Variants in SLC13A1 observed in about 807,000 individuals in gnomAD.
SLC13A1 encodes Na(+)/sulfate cotransporter.
A neutral mutation model predicts 70.0 loss-of-function variants in SLC13A1; 65 were observed. The ratio of observed to expected loss-of-function variants is 0.93; its 90% CI spans 0.76 to 1.14. The LOEUF is 1.14. SLC13A1 is among the 50% of genes most tolerant of loss of function. The pLI, the probability that SLC13A1 is intolerant of heterozygous loss-of-function variation, is 0.00. For synonymous variants in SLC13A1, 275 were observed against 250.5 expected, an observed-to-expected ratio of 1.10 and a Z score of -0.92; for missense variants, 726 against 717.8, an observed-to-expected ratio of 1.01 and a Z score of -0.13.
At chr7:123,194,179 T>C (rs1418265396) in intron 1 of SLC13A1, among the ~76,000 whole-genome samples, 1 of 152,076 alleles carries the variant, frequency 6.6e-6, no homozygotes, top group African/African-American at 2.4e-5. Context: ...TAGAGGCCAA[T>C]GTATCCATGA....
intron 6 of SLC13A1, among the ~76,000 whole-genome samples, chr7:123,156,354 T>A (rs529621476): frequency 6.6e-6 from 1 of 152,242 alleles, no homozygotes; most frequent in African/African-American, 2.4e-5. Context: ...GCCATCTTAA[T>A]GGAAGATGCA....
At chr7:123,187,756 G>T (rs1386505540) in intron 1 of SLC13A1, among the ~76,000 whole-genome samples, 2 of 151,908 alleles carry the variant, frequency 1.3e-5, no homozygotes, top group South Asian at 2.1e-4. Flanking sequence ...TAGATTTATT[G>T]TTACTTCATT....
intron 10 of SLC13A1, 110 bp downstream of exon 10, chr7:123,128,735 G>T: frequency 2.9e-6 from 2 of 698,878 alleles, no homozygotes; most frequent in South Asian, 1.9e-5. Flanking sequence ...TCTTTTCAAG[G>T]GAAAGAAAGA....
Position 123,168,425 on chromosome 7 carries a change from G to A in SLC13A1, c.612-3C>T. 6.3e-7 allele frequency: 1 copy of A among 1,591,822 alleles called. No individual in the cohort carries two copies. The highest frequency in any genetic ancestry group is 8.6e-7 in the Non-Finnish European group (1 of 1,163,990). On this transcript the variant is annotated splice_region_variant and splice_polypyrimidine_tract_variant and intron_variant, in intron 5 of 14. Coordinates refer to ENST00000194130, the MANE Select transcript of SLC13A1 (RefSeq NM_022444.4). ...TTTTCCCTGTATCATTATTGTATCT[G>A]AAAAATACATTGATCCAGTTATAAT...
Position 123,181,107 on chromosome 7 carries a change from A to G in SLC13A1, c.100-6T>C. 1 of 1,610,492 alleles carries G rather than the reference A, an allele frequency of 6.2e-7. No individual in the cohort carries two copies. Among genetic ancestry groups the G allele is most frequent in the Non-Finnish European group, 8.5e-7 (1 of 1,177,936 alleles). ...GTGTAGGCACATTCTGCTTCCTGGT[A>G]AGAACAAATGCAAAGCAAAAGGTGA... On this transcript the variant is annotated splice_polypyrimidine_tract_variant and splice_region_variant and intron_variant, in intron 1 of 14. Coordinates refer to ENST00000194130, the MANE Select transcript of SLC13A1 (RefSeq NM_022444.4).
At chr7:123,127,673 C>T (rs1417886695) in intron 10 of SLC13A1, among the ~76,000 whole-genome samples, 1 of 151,952 alleles carries the variant, frequency 6.6e-6, no homozygotes, top group Non-Finnish European at 1.5e-5. Flanking sequence ...ACCATATTGA[C>T]TTGTGTGGTC....
chr7:123,124,985 C>T (rs1793511029), intron 11 of SLC13A1, among the ~76,000 whole-genome samples: 1 of 151,842 alleles, frequency 6.6e-6, no homozygotes, highest in African/African-American at 2.4e-5. Context: ...TCTCACCATG[C>T]TGCCAAGGCT....
At chr7:123,190,550 T>C in intron 1 of SLC13A1, 1 of 456,740 alleles carries the variant, frequency 2.2e-6, no homozygotes, top group Non-Finnish European at 4.4e-6. Flanking sequence ...GTCAGTCATC[T>C]GACTGCATCT....
intron 2 of SLC13A1, among the ~76,000 whole-genome samples, chr7:123,177,846 T>C (rs1439294717): frequency 1.3e-5 from 2 of 152,118 alleles, no homozygotes; most frequent in Non-Finnish European, 2.9e-5. Flanking sequence ...CTGTATAATA[T>C]TTCTATTTAT....
intron 7 of SLC13A1, among the ~76,000 whole-genome samples, chr7:123,136,906 C>G (rs1202840509): frequency 6.6e-6 from 1 of 152,044 alleles, no homozygotes; most frequent in Admixed American, 6.6e-5. Context: ...ATAGCAATTA[C>G]AAAGTCCTTG....
chr7:123,141,548 C>CTCT (rs1465459016), intron 7 of SLC13A1, among the ~76,000 whole-genome samples: 1 of 151,472 alleles, frequency 6.6e-6, no homozygotes, highest in Non-Finnish European at 1.5e-5. Flanking sequence ...GTCTCTTTCT[C>CTCT]TCTCTCTCTC....
chr7:123,129,526 C>T (rs1178388157), intron 8 of SLC13A1, 45 bp from the exon 9 acceptor site: 1 of 1,387,042 alleles, frequency 7.2e-7, no homozygotes. Flanking sequence ...TCTTTTACTA[C>T]CACCTCCCTG....
chr7:123,164,354 A>G (rs1795006011), intron 6 of SLC13A1, among the ~76,000 whole-genome samples: 1 of 151,770 alleles, frequency 6.6e-6, no homozygotes, highest in Non-Finnish European at 1.5e-5. Context: ...CTTTGGGGAG[A>G]AATATTATAG....
At chr7:123,165,505 A>AT (rs1160491362) in intron 6 of SLC13A1, among the ~76,000 whole-genome samples, 3 of 151,984 alleles carry the variant, frequency 2.0e-5, no homozygotes, top group East Asian at 3.9e-4. Flanking sequence ...CATCTCCTAC[A>AT]TTTTTTTCCC....
intron 1 of SLC13A1, among the ~76,000 whole-genome samples, chr7:123,181,516 C>G (rs1460686157): frequency 1.3e-5 from 2 of 152,080 alleles, no homozygotes; most frequent in African/African-American, 4.8e-5. Flanking sequence ...AAATGCATTC[C>G]TTGGTGCCTG....
At chr7:123,137,712 A>G (rs2116359489) in intron 7 of SLC13A1, among the ~76,000 whole-genome samples, 1 of 152,272 alleles carries the variant, frequency 6.6e-6, no homozygotes, top group Middle Eastern at 3.4e-3. Context: ...CAGCCTGGTA[A>G]GATCCTGAGC....
chr7:123,161,740 C>G (rs980670458), intron 6 of SLC13A1, among the ~76,000 whole-genome samples: 2 of 152,046 alleles, frequency 1.3e-5, no homozygotes. Flanking sequence ...CAATCCATAC[C>G]TTAACTAGTG....
chr7:123,190,047 G>A (rs1011324206), intron 1 of SLC13A1, among the ~76,000 whole-genome samples: 37 of 152,132 alleles, frequency 2.4e-4, no homozygotes, highest in African/African-American at 8.4e-4. Flanking sequence ...TTCTCCAAAT[G>A]ATTCTCTCAC....
intron 2 of SLC13A1, among the ~76,000 whole-genome samples, chr7:123,177,986 A>G (rs1177932144): frequency 6.6e-6 from 1 of 151,280 alleles, no homozygotes; most frequent in Non-Finnish European, 1.5e-5. Flanking sequence ...TAACTGAGTA[A>G]ATACATAACA....
Sources: allele counts gnomAD v4.1 joint callset (sites outside exome capture counted in the v4.1 genomes callset), GRCh38; gene constraint gnomAD v4.1.1; transcripts MANE v1.5; gene names NCBI Gene and HGNC (gene_info 2026-07-23, HGNC 2026-07-21).